NAALADL2: variants seen among roughly 807,000 people sequenced by gnomAD.
NAALADL2 encodes the protein N-acetylated alpha-linked acidic dipeptidase like 2.
Under a neutral mutation model 87.2 loss-of-function variants are expected in NAALADL2, and 76 were observed. The observed-to-expected ratio is 0.87, with a 90% CI of 0.72 to 1.05. The LOEUF (loss-of-function observed/expected upper bound fraction) is 1.05, where lower values mean the gene tolerates loss of function less well. Among genes scored for constraint, NAALADL2 ranks in the 50% least tolerant of loss-of-function variants. The pLI is 0.00. For synonymous variants in NAALADL2, 354 were observed against 331.0 expected (o/e 1.07, Z -0.75); for missense variants, 1,089 against 945.8 (o/e 1.15, Z -1.99).
At chr3:174,881,263 T>C (rs151288867) in intron 1 of NAALADL2, among the ~76,000 whole-genome samples, 2,291 of 152,210 alleles carry the variant, frequency 0.015, 57 homozygotes, top group African/African-American at 0.052. Flanking sequence ...AGGATTGCAA[T>C]CTCCCTTCTC....
At chr3:174,799,397 G>T (rs192594705) in intron 3 of NAALADL2, among the ~76,000 whole-genome samples, 2 of 152,010 alleles carry the variant, frequency 1.3e-5, no homozygotes, top group African/African-American at 4.8e-5. Flanking sequence ...GGTCTTTCTC[G>T]TGCTGTTCTC....
Position 175,509,131 on chromosome 3 carries a change from A to G in NAALADL2, c.1653+37373A>G, listed in dbSNP as rs929466914. ...AACTCCGTGTCAAAAAAAAAAAAGA[A>G]AAAAAAAGAATAGAGAACTGCCAAC... On this transcript the variant is annotated intron_variant, in intron 9 of 13. Transcript: ENST00000454872. 1.2e-4 allele frequency among the ~76,000 whole-genome samples: 19 copies of G among 152,138 alleles called. 1 individual carries two copies. Among genetic ancestry groups the G allele is most frequent in the Admixed American group, 7.9e-4 (12 of 15,268 alleles).
chr3:174,903,737 C>T (rs1732580780), intron 1 of NAALADL2, among the ~76,000 whole-genome samples: 1 of 151,834 alleles, frequency 6.6e-6, no homozygotes, highest in Non-Finnish European at 1.5e-5. Flanking sequence ...TGGAAGGATG[C>T]AGTGTTCCCT....
At chr3:175,316,515 G>GT (rs1560345297) in intron 4 of NAALADL2, among the ~76,000 whole-genome samples, 1 of 152,082 alleles carries the variant, frequency 6.6e-6, no homozygotes, top group East Asian at 1.9e-4. Context: ...AAATCTTGGC[G>GT]TAAGACTTGA....
intron 13 of NAALADL2, among the ~76,000 whole-genome samples, chr3:175,786,071 C>T (rs1296288598): frequency 6.6e-6 from 1 of 152,180 alleles, no homozygotes; most frequent in African/African-American, 2.4e-5. Context: ...GAGAGATCCG[C>T]TGTTAGTCTG....
In NAALADL2 at chr3:175,079,751, A is replaced by G. The variant is rs527702155; in HGVS notation, c.44-17039A>G. Reference sequence around the variant, plus strand: ...TATGCAAGCTTCTTTTTTAAGCTCAATAGGAAGGATTCCTGAAGGAGCAAA... The same window carrying G: ...TATGCAAGCTTCTTTTTTAAGCTCAGTAGGAAGGATTCCTGAAGGAGCAAA... On this transcript the variant is annotated intron_variant, in intron 1 of 13. Coordinates refer to ENST00000454872, the MANE Select transcript of NAALADL2 (RefSeq NM_207015.3). Among the ~76,000 whole-genome samples the G allele has an allele frequency of 2.3e-3, 354 of 152,320 alleles. 2 individuals carry two copies. Among genetic ancestry groups the G allele is most frequent in the Non-Finnish European group, 3.5e-3 (241 of 68,024 alleles).
chr3:175,440,165 T>A, intron 5 of NAALADL2, among the ~76,000 whole-genome samples: 1 of 152,220 alleles, frequency 6.6e-6, no homozygotes, highest in East Asian at 1.9e-4. Flanking sequence ...TTTTCGTTTT[T>A]GTTTTCTTTG....
intron 13 of NAALADL2, among the ~76,000 whole-genome samples, chr3:175,768,359 A>G (rs2150169842): frequency 6.6e-6 from 1 of 152,168 alleles, no homozygotes; most frequent in Non-Finnish European, 1.5e-5. Context: ...GGGCCTCTGT[A>G]TACACTTTTT....
Position 175,026,365 on chromosome 3 carries a change from G to T in NAALADL2, c.44-70425G>T, listed in dbSNP as rs751494824. On this transcript the variant is annotated intron_variant, in intron 1 of 13. Coordinates refer to ENST00000454872, the MANE Select transcript of NAALADL2 (RefSeq NM_207015.3). ...CCAGAAAATATATCTAAAAAGTTCA[G>T]GCTGGGCATGGTGACTCACATCTGT... 7.3e-5 allele frequency among the ~76,000 whole-genome samples: 11 copies of T among 151,656 alleles called. 1 individual carries two copies. The highest frequency in any genetic ancestry group is 1.5e-4 in the Non-Finnish European group (10 of 67,940).
At chr3:175,191,272 A>C (rs531879300) in intron 2 of NAALADL2, among the ~76,000 whole-genome samples, 104 of 152,336 alleles carry the variant, frequency 6.8e-4, no homozygotes, top group Admixed American at 1.7e-3. Flanking sequence ...AAAATCCCAA[A>C]TATTATAGCC....
rs1385745075 is a variant in NAALADL2, at chr3:175,565,827, C to CCG, written c.1654-10213_1654-10212insGC. On this transcript the variant is annotated intron_variant, in intron 9 of 13. Coordinates refer to ENST00000454872, the MANE Select transcript of NAALADL2 (RefSeq NM_207015.3). Reference sequence around the variant, plus strand: ...TCCAAACAAAAAACAAAAGCCCCCCCCCTTTTTTTTTTTTTTTTTTGAGAT... The same window carrying CCG: ...TCCAAACAAAAAACAAAAGCCCCCCCCGCCTTTTTTTTTTTTTTTTTTGAGAT... Among the ~76,000 whole-genome samples, 24 of 136,426 alleles carry CCG rather than the reference C, an allele frequency of 1.8e-4. 1 individual carries two copies. The highest frequency in any genetic ancestry group is 1.6e-3 in the Admixed American group (21 of 12,948). 89.5% of individuals were successfully genotyped at this position (136,426 alleles called of 152,430 possible).
intron 1 of NAALADL2, among the ~76,000 whole-genome samples, chr3:174,461,561 T>G (rs1716216549): frequency 6.6e-6 from 1 of 152,142 alleles, no homozygotes; most frequent in African/African-American, 2.4e-5. Context: ...AGATTGCTAT[T>G]CAAAATTACA....
chr3:174,954,568 A>G (rs954745459), intron 1 of NAALADL2, among the ~76,000 whole-genome samples: 4 of 152,104 alleles, frequency 2.6e-5, no homozygotes, highest in Non-Finnish European at 5.9e-5. Flanking sequence ...AGTATATTGT[A>G]TGTGTTTACA....
intron 3 of NAALADL2, among the ~76,000 whole-genome samples, chr3:174,786,571 T>C (rs1716705736): frequency 1.3e-5 from 2 of 151,930 alleles, no homozygotes; most frequent in Admixed American, 6.6e-5. Flanking sequence ...TTCCAGACCC[T>C]CCACTTTTTG....
At chr3:175,271,649 G>A (rs995937724) in intron 4 of NAALADL2, among the ~76,000 whole-genome samples, 25 of 152,016 alleles carry the variant, frequency 1.6e-4, no homozygotes, top group Non-Finnish European at 3.1e-4. Context: ...AAAATTCGCC[G>A]GGTGTGGTGG....
At chr3:174,581,462 T>C (rs1225677485) in intron 2 of NAALADL2, among the ~76,000 whole-genome samples, 1 of 152,056 alleles carries the variant, frequency 6.6e-6, no homozygotes, top group Non-Finnish European at 1.5e-5. Flanking sequence ...TTCAAGAGCA[T>C]GCCATTTTCT....
intron 9 of NAALADL2, among the ~76,000 whole-genome samples, chr3:175,482,775 G>C (rs1726685564): frequency 6.6e-6 from 1 of 151,416 alleles, no homozygotes; most frequent in Non-Finnish European, 1.5e-5. Flanking sequence ...TTCTGATATT[G>C]GTCTGGAAAA....
At chr3:175,042,136 T>A (rs940243527) in intron 1 of NAALADL2, among the ~76,000 whole-genome samples, 1 of 151,382 alleles carries the variant, frequency 6.6e-6, no homozygotes, top group Non-Finnish European at 1.5e-5. Context: ...GATTTAGACT[T>A]TTTTTAGATT....
chr3:174,874,456 C>T (rs1434539633), intron 1 of NAALADL2, among the ~76,000 whole-genome samples: 1 of 152,070 alleles, frequency 6.6e-6, no homozygotes, highest in Non-Finnish European at 1.5e-5. Context: ...GCAGCAGGTG[C>T]ACCTCAAAGT....
Sources: allele counts gnomAD v4.1 joint callset (sites outside exome capture counted in the v4.1 genomes callset), GRCh38; gene constraint gnomAD v4.1.1; transcripts MANE v1.5; gene names NCBI Gene and HGNC (gene_info 2026-07-23, HGNC 2026-07-21).